GAA: variants seen among roughly 807,000 people sequenced by gnomAD.
GAA encodes alpha glucosidase, also known as lysosomal alpha-glucosidase.
In GAA, 88 loss-of-function variants were observed where a neutral mutation model predicts 103.9. That is an observed-to-expected ratio of 0.85 (90% CI 0.71 to 1.01). GAA has a LOEUF of 1.01. Among genes scored for constraint, GAA ranks in the 50% least tolerant of loss-of-function variants. GAA has a pLI of 0.00. For synonymous variants in GAA, 572 were observed against 563.1 expected (o/e 1.02, Z -0.22); for missense variants, 1,350 against 1,305.3 (o/e 1.03, Z -0.53).
rs754042516 is a variant in GAA at position 80,105,826 on chromosome 17, C to CT, written c.625dup (p.Tyr209LeufsTer121). The CT allele has an allele frequency of 6.2e-7, 1 of 1,610,358 alleles. No individual in the cohort carries two copies. The highest frequency in any genetic ancestry group is 8.5e-7 in the Non-Finnish European group (1 of 1,180,004). ...TCCACAGCCGGGCACCGTCCCCACT[C>CT]TACAGCGTGGAGTTCTCCGAGGAGC... On this transcript the variant is annotated frameshift_variant, in exon 3 of 20. Transcript: ENST00000302262. LOFTEE classifies it high-confidence loss of function.
intron 8 of GAA, among the ~76,000 whole-genome samples, 167 bp downstream of exon 8, chr17:80,108,995 T>C (rs2039166357): frequency 6.6e-6 from 1 of 152,196 alleles, no homozygotes. Context: ...TGGCCCCAGC[T>C]GTCCAGGGAG....
chr17:80,107,882 AC>A lies in GAA; in HGVS notation c.942del (p.Asn314LysfsTer78). ...GGSAHGVFLL[N>X]SNAMDVVLQP... Reference sequence around the variant, plus strand: ...TCGGCACACGGGGTGTTCCTGCTAAACAGCAATGCCATGGGTAAGCTGCCCG... The same window carrying A: ...TCGGCACACGGGGTGTTCCTGCTAAAAGCAATGCCATGGGTAAGCTGCCCG... On this transcript the variant is annotated frameshift_variant, in exon 5 of 20. Transcript: ENST00000302262. LOFTEE classifies it high-confidence loss of function. 6.2e-7 allele frequency: 1 copy of A among 1,610,746 alleles called. No homozygotes were observed. The highest frequency in any genetic ancestry group is 8.5e-7 in the Non-Finnish European group (1 of 1,179,440).
intron 15 of GAA, among the ~76,000 whole-genome samples, chr17:80,114,046 A>G (rs2039310020): frequency 6.6e-6 from 1 of 150,970 alleles, no homozygotes; most frequent in Admixed American, 6.6e-5. Flanking sequence ...TCCACAGGAA[A>G]AGATAAGTGA....
At chr17:80,117,480 G>A (rs972879933) in intron 16 of GAA, 120 bp from the exon 17 acceptor site, 35 of 1,197,322 alleles carry the variant, frequency 2.9e-5, no homozygotes, top group Non-Finnish European at 3.9e-5. Flanking sequence ...AGTTCAGCCC[G>A]TCTGTGCCAG....
At position 80,112,664 on chromosome 17, in the gene GAA, C is replaced by CG. The variant is rs1249187013; in HGVS notation, c.1846dup (p.Asp616GlyfsTer20). 8 of 1,612,348 alleles carry CG rather than the reference C, an allele frequency of 5.0e-6. No individual in the cohort carries two copies. Among genetic ancestry groups the CG allele is most frequent in the Non-Finnish European group, 6.8e-6 (8 of 1,179,750 alleles). Reference sequence around the variant, plus strand: ...CACGGCCGATACGCCGGCCACTGGACGGGGGACGTGTGGAGCTCCTGGGAG... The same window carrying CG: ...CACGGCCGATACGCCGGCCACTGGACGGGGGGACGTGTGGAGCTCCTGGGAG... On this transcript the variant is annotated frameshift_variant, in exon 13 of 20. Transcript: ENST00000302262. LOFTEE classifies it high-confidence loss of function.
In GAA at chr17:80,119,489, C is replaced by A; in HGVS notation, c.*158C>A. The A allele has an allele frequency of 1.4e-6, 1 of 701,214 alleles. No homozygotes were observed. The highest frequency in any genetic ancestry group is 2.6e-6 in the Non-Finnish European group (1 of 388,664). 43.4% of individuals were successfully genotyped at this position (701,214 alleles called of 1,614,324 possible). On this transcript the variant is annotated 3_prime_UTR_variant, in exon 20 of 20. Transcript: ENST00000302262. ...GCCGCCGCATCGCTTGTTTCCACCT[C>A]CTGGGCCGGGGCTCTGGCCCCCAAC...
intron 11 of GAA, 82 bp downstream of exon 11, chr17:80,111,107 T>C: frequency 1.7e-6 from 2 of 1,204,788 alleles, no homozygotes; most frequent in Non-Finnish European, 1.2e-6. Flanking sequence ...AGCACCCTCA[T>C]CTCTGAGAAG....
rs912717099 is a variant in GAA, at chr17:80,113,209, G to A, written c.2041-9G>A. On this transcript the variant is annotated splice_polypyrimidine_tract_variant and intron_variant, in intron 14 of 19. Transcript: ENST00000302262. Reference sequence around the variant, plus strand: ...CCAAGTGCTTCCTTTGCCCCCGCCTGCCCTGCAGCCCCAGGAGCCGTACAG... The same window carrying A: ...CCAAGTGCTTCCTTTGCCCCCGCCTACCCTGCAGCCCCAGGAGCCGTACAG... The A allele has an allele frequency of 2.5e-6, 4 of 1,592,396 alleles. No homozygotes were observed. The highest frequency in any genetic ancestry group is 2.6e-6 in the Non-Finnish European group (3 of 1,171,730).
rs2039293292 is a variant in GAA at position 80,113,375 on chromosome 17, C to T, written c.2189+9C>T. 1 of 1,562,932 alleles carries T rather than the reference C, an allele frequency of 6.4e-7. No individual in the cohort carries two copies. Among genetic ancestry groups the T allele is most frequent in the Non-Finnish European group, 8.7e-7 (1 of 1,151,076 alleles). On this transcript the variant is annotated intron_variant, in intron 15 of 19. Transcript: ENST00000302262. ...CGGCCCCTCTTCCTGGAGTGAGTGA[C>T]CTAGGCAGGGGCGGTGGCCCATGTG...
In GAA at chr17:80,113,252, A is replaced by G; in HGVS notation, c.2075A>G (p.Gln692Arg). ...CCGTACAGCTTCAGCGAGCCGGCCC[A>G]GCAGGCCATGAGGAAGGCCCTCACC... is the stretch of plus-strand genomic sequence containing the variant. ...QEPYSFSEPA[Q>R]QAMRKALTLR... is the part of the protein sequence containing the mutation. Residue 692 changes from glutamine (Q) to arginine (R), a missense_variant, in exon 15 of 20, where the codon CAG becomes CGG. Gln to Arg is a conservative substitution (Grantham distance 43, BLOSUM62 1). Coordinates refer to ENST00000302262, the MANE Select transcript of GAA (RefSeq NM_000152.5). The G allele has an allele frequency of 1.2e-6, 2 of 1,601,796 alleles. No individual in the cohort carries two copies. The highest frequency in any genetic ancestry group is 1.7e-6 in the Non-Finnish European group (2 of 1,174,868).
At chr17:80,111,937 C>T (rs899666302) in intron 11 of GAA, 46 bp from the exon 12 acceptor site, 1 of 1,545,390 alleles carries the variant, frequency 6.5e-7, no homozygotes, top group Non-Finnish European at 8.9e-7. Flanking sequence ...CACCTTGGAG[C>T]CTGCCGGGAG....
At chr17:80,118,051 C>T in intron 17 of GAA, 142 bp from the exon 18 acceptor site, 2 of 992,680 alleles carry the variant, frequency 2.0e-6, no homozygotes, top group Non-Finnish European at 2.9e-6. Context: ...CCACGGGGTT[C>T]CAGCCCCTGC....
intron 15 of GAA, among the ~76,000 whole-genome samples, chr17:80,114,089 G>GAA (rs75151558): frequency 7.1e-5 from 5 of 70,472 alleles, no homozygotes; most frequent in Admixed American, 3.2e-4. Flanking sequence ...TTCATTTAGA[G>GAA]AAAAAAAAAA....
At position 80,108,387 on chromosome 17, in the gene GAA, G is replaced by A. The variant is rs773063199; in HGVS notation, c.1053G>A (p.Val351=). 8.1e-6 allele frequency: 13 copies of A among 1,613,392 alleles called. No homozygotes were observed. The African/African-American group carries it at 1.3e-4, about 17-fold the overall frequency. The part of the protein sequence containing the change: ...IFLGPEPKSV[V]QQYLDVVGYP... ...TGGGCCCAGAGCCCAAGAGCGTGGT[G>A]CAGCAGTACCTGGACGTTGTGGGTA... Residue 351 remains valine, a synonymous_variant, in exon 6 of 20, where the codon GTG becomes GTA. Transcript: ENST00000302262.
Position 80,116,675 on chromosome 17 carries a change from G to T in GAA, c.2190-293G>T, listed in dbSNP as rs749045352. Among the ~76,000 whole-genome samples the T allele has an allele frequency of 2.0e-5, 3 of 152,200 alleles. No individual in the cohort carries two copies. The East Asian group carries it at 5.8e-4, about 29-fold the overall frequency. ...CTTGGTTACCGGAGGATAAGTGAGC[G>T]AGCAAAGTGAGGCCAGTGCTGTGTC... On this transcript the variant is annotated intron_variant, in intron 15 of 19. Transcript: ENST00000302262.
In GAA at chr17:80,118,323, G is replaced by A. The variant is rs1362724529; in HGVS notation, c.2612G>A (p.Gly871Glu). ...DGESLEVLER[G>E]AYTQVIFLAR... ...GAGAGCCTGGAAGTGCTGGAGCGAG[G>A]GGCCTACACACAGGTCATCTTCCTG... Residue 871 changes from glycine (G) to glutamate (E), a missense_variant, in exon 18 of 20, where the codon GGG becomes GAG. Coordinates refer to ENST00000302262, the MANE Select transcript of GAA (RefSeq NM_000152.5). 2 of 1,577,876 alleles carry A rather than the reference G, an allele frequency of 1.3e-6. No homozygotes were observed. Among genetic ancestry groups the A allele is most frequent in the African/African-American group, 1.3e-5 (1 of 74,086 alleles).
At position 80,105,134 on chromosome 17, in the gene GAA, T is replaced by TGGGCA. The variant is rs756530498; in HGVS notation, c.546+11_546+15dup. The TGGGCA allele has an allele frequency of 3.7e-5, 60 of 1,603,210 alleles. No homozygotes were observed. The highest frequency in any genetic ancestry group is 4.9e-5 in the Non-Finnish European group (58 of 1,176,602). ...ACTGAGAACCGCCTCCACTTCACGG[T>TGGGCA]GGGCAGGGCAGGGGCGGGGGCGGCG... On this transcript the variant is annotated splice_region_variant and intron_variant, in intron 2 of 19. Transcript: ENST00000302262.
chr17:80,111,894 CAG>C, intron 11 of GAA, 87 bp from the exon 12 acceptor site: 1 of 1,108,526 alleles, frequency 9.0e-7, no homozygotes. Flanking sequence ...GCGACCTGCA[CAG>C]GGGCTCCTGG....
chr17:80,109,987 C>A lies in GAA; in HGVS notation c.1369C>A (p.Pro457Thr), dbSNP rs2143866086. 2 of 1,613,368 alleles carry A rather than the reference C, an allele frequency of 1.2e-6. No individual in the cohort carries two copies. Among genetic ancestry groups the A allele is most frequent in the Non-Finnish European group, 1.7e-6 (2 of 1,179,942 alleles). Residue 457 changes from proline to threonine, a missense_variant, in exon 9 of 20, where the codon CCC (proline) becomes ACC (threonine). Coordinates refer to ENST00000302262, the MANE Select transcript of GAA (RefSeq NM_000152.5). The stretch of plus-strand genomic sequence containing the variant: ...CTCGGGCCCTGCCGGGAGCTACAGG[C>A]CCTACGACGAGGGTCTGCGGAGGGG... ...SSSGPAGSYR[P>T]YDEGLRRGVF...
Sources: gnomAD v4.1 joint callset for allele counts (sites outside exome capture counted in the v4.1 genomes callset) on GRCh38, gnomAD v4.1.1 for gene constraint, MANE v1.5 for transcripts, NCBI Gene and HGNC (gene_info 2026-07-23, HGNC 2026-07-21) for gene names.